Variants in SAMD5 observed in about 807,000 individuals in gnomAD.
The protein encoded by SAMD5 is sterile alpha motif domain containing 5.
SAMD5 carries 13 observed loss-of-function variants against 11.3 expected under a neutral mutation model. The observed-to-expected ratio is 1.15, with a 90% CI of 0.75 to 1.83. The LOEUF is 1.83. Among genes scored for constraint, SAMD5 ranks in the 40% most tolerant of loss-of-function variants. The probability of loss-of-function intolerance (pLI) is 0.00; values close to 1 mark genes in which losing one functional copy is unlikely to be tolerated. For synonymous variants in SAMD5, 129 were observed against 111.3 expected (o/e 1.16, Z -1.00); for missense variants, 255 against 239.1 (o/e 1.07, Z -0.44).
the SAMD5 span, among the ~76,000 whole-genome samples, chr6:147,760,974 C>T: frequency 6.6e-6 from 1 of 152,166 alleles, no homozygotes; most frequent in Non-Finnish European, 1.5e-5. Flanking sequence ...AACATTCATC[C>T]TACCTGCAGG....
intron 1 of SAMD5, among the ~76,000 whole-genome samples, chr6:147,602,295 G>A (rs940002295): frequency 3.9e-5 from 6 of 152,316 alleles, no homozygotes; most frequent in East Asian, 3.9e-4. Flanking sequence ...TAACAGTGCT[G>A]AGTTAATGCC....
At chr6:147,870,227 G>A in the SAMD5 span, among the ~76,000 whole-genome samples, 1 of 151,828 alleles carries the variant, frequency 6.6e-6, no homozygotes, top group African/African-American at 2.4e-5. Flanking sequence ...AAACCTCCAG[G>A]GTATGCATCT....
chr6:147,593,042 G>T (rs530333968), intron 1 of SAMD5, among the ~76,000 whole-genome samples: 2 of 152,200 alleles, frequency 1.3e-5, no homozygotes, highest in African/African-American at 4.8e-5. Context: ...AAGGTTGTGA[G>T]GGATTGGGTT....
chr6:147,772,886 G>A, the SAMD5 span, among the ~76,000 whole-genome samples: 1 of 152,132 alleles, frequency 6.6e-6, no homozygotes, highest in Admixed American at 6.5e-5. Flanking sequence ...TAACAGTGTC[G>A]AAGTGAGAAG....
chr6:147,592,151 G>A (rs1789464319), intron 1 of SAMD5, among the ~76,000 whole-genome samples: 3 of 152,056 alleles, frequency 2.0e-5, no homozygotes, highest in Admixed American at 2.0e-4. Context: ...CCACACCCAG[G>A]CAATGTTTTT....
At chr6:147,624,234 A>G (rs1790015191) in intron 1 of SAMD5, among the ~76,000 whole-genome samples, 1 of 152,154 alleles carries the variant, frequency 6.6e-6, no homozygotes, top group South Asian at 2.1e-4. Context: ...GCTTGTAACT[A>G]ACTTAACAGT....
chr6:147,563,796 T>G (rs1788992244), intron 1 of SAMD5, among the ~76,000 whole-genome samples: 1 of 152,210 alleles, frequency 6.6e-6, no homozygotes, highest in South Asian at 2.1e-4. Context: ...AAATACTTAA[T>G]TAACCTCTTT....
At chr6:147,894,571 A>C in the SAMD5 span, among the ~76,000 whole-genome samples, 3 of 152,196 alleles carry the variant, frequency 2.0e-5, no homozygotes, top group Non-Finnish European at 4.4e-5. Context: ...ACTGGGGGGA[A>C]ACATGTTGCT....
chr6:147,687,313 C>T (rs1332489238), intron 1 of SAMD5, among the ~76,000 whole-genome samples: 1 of 131,088 alleles, frequency 7.6e-6, no homozygotes, highest in Non-Finnish European at 1.6e-5. Flanking sequence ...TATAGAGTCT[C>T]ACTCCATTAC....
intron 1 of SAMD5, among the ~76,000 whole-genome samples, chr6:147,645,137 C>T (rs1437367538): frequency 6.6e-6 from 1 of 152,152 alleles, no homozygotes; most frequent in Non-Finnish European, 1.5e-5. Context: ...CTCCGTGGGA[C>T]TTCCAGGCTG....
At chr6:147,671,353 C>T (rs75927234) in intron 1 of SAMD5, among the ~76,000 whole-genome samples, 2,275 of 152,254 alleles carry the variant, frequency 0.015, 57 homozygotes, top group African/African-American at 0.052. Flanking sequence ...TTGTTTGATG[C>T]AGGCTTGCCA....
chr6:147,667,488 A>G (rs1344547548), intron 1 of SAMD5, among the ~76,000 whole-genome samples: 1 of 152,190 alleles, frequency 6.6e-6, no homozygotes, highest in Non-Finnish European at 1.5e-5. Flanking sequence ...AAAAGGGGCC[A>G]AGAAAAAGCC....
chr6:147,916,662 C>T, the SAMD5 span, among the ~76,000 whole-genome samples: 19 of 150,922 alleles, frequency 1.3e-4, no homozygotes, highest in African/African-American at 3.4e-4. Flanking sequence ...CCCATTAACT[C>T]GTCATTTAGC....
the SAMD5 span, among the ~76,000 whole-genome samples, chr6:147,787,612 G>C: frequency 6.6e-6 from 1 of 152,142 alleles, no homozygotes; most frequent in Non-Finnish European, 1.5e-5. Flanking sequence ...CATCCTGGTG[G>C]TGGCAGCAAA....
At chr6:147,633,715 C>T (rs1790184915) in intron 1 of SAMD5, among the ~76,000 whole-genome samples, 1 of 148,488 alleles carries the variant, frequency 6.7e-6, no homozygotes, top group African/African-American at 2.5e-5. Flanking sequence ...TTTTTACAGC[C>T]ATGGAGCAAG....
chr6:147,732,595 C>T (rs972509990), intron 1 of SAMD5, among the ~76,000 whole-genome samples: 5 of 152,078 alleles, frequency 3.3e-5, no homozygotes, highest in Non-Finnish European at 7.4e-5. Context: ...TGCATGTAAC[C>T]CACTATGAAA....
At chr6:147,874,518 C>T in the SAMD5 span, among the ~76,000 whole-genome samples, 4 of 151,940 alleles carry the variant, frequency 2.6e-5, no homozygotes, top group South Asian at 2.1e-4. Flanking sequence ...TCAGGACAGC[C>T]GGCCCTCCGG....
chr6:147,850,830 C>T, the SAMD5 span, among the ~76,000 whole-genome samples: 2 of 151,848 alleles, frequency 1.3e-5, no homozygotes, highest in Non-Finnish European at 2.9e-5. Context: ...GTAGCAGACT[C>T]GGTGAGCTCA....
rs182113642 is a variant in SAMD5 at position 147,698,441 on chromosome 6, G to T, written c.163-38876G>T. On this transcript the variant is annotated intron_variant, in intron 1 of 1. Coordinates refer to the SAMD5 transcript ENST00000566741. ...TTTCTCCTTTCCCTTTGATTGTCCA[G>T]CTAACTCCTCCTTGTTTTTCAACTT... is the stretch of plus-strand genomic sequence containing the variant. Among the ~76,000 whole-genome samples, 801 of 152,176 alleles carry T rather than the reference G, an allele frequency of 5.3e-3. 5 individuals carry two copies. Among genetic ancestry groups the T allele is most frequent in the Non-Finnish European group, 8.6e-3 (587 of 68,020 alleles).
Sources: gnomAD v4.1 joint callset for allele counts (sites outside exome capture counted in the v4.1 genomes callset) on GRCh38, gnomAD v4.1.1 for gene constraint, MANE v1.5 for transcripts, NCBI Gene and HGNC (gene_info 2026-07-23, HGNC 2026-07-21) for gene names.